The following SLC13A1 variants were observed in gnomAD, a reference collection of about 807,000 sequenced individuals.
The protein encoded by SLC13A1 is Na(+)/sulfate cotransporter.
SLC13A1 carries 65 observed loss-of-function variants against 70.0 expected under a neutral mutation model. The ratio of observed to expected loss-of-function variants is 0.93; its 90% CI spans 0.76 to 1.14. The LOEUF is 1.14. SLC13A1 is among the 50% of genes most tolerant of loss of function. The pLI, the probability that SLC13A1 is intolerant of heterozygous loss-of-function variation, is 0.00. For missense variants in SLC13A1, 726 were observed against 717.8 expected (o/e 1.01, Z -0.13); for synonymous variants, 275 against 250.5 (o/e 1.10, Z -0.92).
At chr7:123,193,279 A>C (rs1205439073) in intron 1 of SLC13A1, among the ~76,000 whole-genome samples, 1 of 151,400 alleles carries the variant, frequency 6.6e-6, no homozygotes, top group Non-Finnish European at 1.5e-5. Context: ...AACATTTGGA[A>C]CTTTTTAAAA....
chr7:123,141,077 T>G (rs1463896708), intron 7 of SLC13A1, among the ~76,000 whole-genome samples: 1 of 152,070 alleles, frequency 6.6e-6, no homozygotes, highest in African/African-American at 2.4e-5. Context: ...TACTGTTTTT[T>G]GCTGTATTCC....
rs150839928 is a variant in SLC13A1 at position 123,152,334 on chromosome 7, T to A, written c.661-5024A>T. Among the ~76,000 whole-genome samples, 48 of 152,264 alleles carry A rather than the reference T, an allele frequency of 3.2e-4. 1 individual carries two copies. The highest frequency in any genetic ancestry group is 1.1e-3 in the African/African-American group (45 of 41,558). On this transcript the variant is annotated intron_variant, in intron 6 of 14. Transcript: ENST00000194130. Reference sequence around the variant, plus strand: ...TGGGGAAGCAGATATATCTTTGACATACTGATTTCATTTTGGGGGTACATA... The same window carrying A: ...TGGGGAAGCAGATATATCTTTGACAAACTGATTTCATTTTGGGGGTACATA...
Position 123,172,128 on chromosome 7 carries a change from G to C in SLC13A1, c.229-224C>G, listed in dbSNP as rs1363369645. The stretch of plus-strand genomic sequence containing the variant: ...GTATACCGAAAAAAGAGTACTCAGG[G>C]TTATTAAATAGCTGAGTAACATCAG... On this transcript the variant is annotated intron_variant, in intron 2 of 14. Transcript: ENST00000194130. Among the ~76,000 whole-genome samples, 8 of 152,200 alleles carry C rather than the reference G, an allele frequency of 5.3e-5. 2 individuals carry two copies. The highest frequency in any genetic ancestry group is 5.2e-4 in the Admixed American group (8 of 15,286).
intron 6 of SLC13A1, among the ~76,000 whole-genome samples, chr7:123,152,767 T>C (rs1408346703): frequency 1.3e-5 from 2 of 152,126 alleles, no homozygotes; most frequent in Non-Finnish European, 1.5e-5. Flanking sequence ...CTTTCCCTTA[T>C]ATTTTATACA....
chr7:123,185,951 T>C (rs1795783465), intron 1 of SLC13A1, among the ~76,000 whole-genome samples: 2 of 152,092 alleles, frequency 1.3e-5, no homozygotes, highest in Non-Finnish European at 2.9e-5. Context: ...GATGGGTTCA[T>C]CCCAGGAATG....
chr7:123,152,483 G>C (rs1271337277), intron 6 of SLC13A1, among the ~76,000 whole-genome samples: 3 of 151,740 alleles, frequency 2.0e-5, no homozygotes, highest in Non-Finnish European at 4.4e-5. Context: ...ATTGTACAAG[G>C]GTTCTCCCTT....
intron 6 of SLC13A1, among the ~76,000 whole-genome samples, chr7:123,163,775 G>A (rs925731229): frequency 6.6e-5 from 10 of 151,886 alleles, no homozygotes; most frequent in South Asian, 4.1e-4. Context: ...TAATGGTTCT[G>A]TTGTCCATAG....
chr7:123,171,972 A>T, intron 2 of SLC13A1, 68 bp from the exon 3 acceptor site: 2 of 1,419,388 alleles, frequency 1.4e-6, no homozygotes, highest in Non-Finnish European at 2.0e-6. Flanking sequence ...CAAGAAAGAC[A>T]TTATTATGCT....
At chr7:123,176,102 C>G (rs1421474544) in intron 2 of SLC13A1, among the ~76,000 whole-genome samples, 1 of 152,222 alleles carries the variant, frequency 6.6e-6, no homozygotes, top group Admixed American at 6.5e-5. Flanking sequence ...CTGATTTGGC[C>G]TTCAGGCCCA....
intron 8 of SLC13A1, among the ~76,000 whole-genome samples, chr7:123,130,118 A>C (rs1161868986): frequency 6.6e-6 from 1 of 152,164 alleles, no homozygotes; most frequent in African/African-American, 2.4e-5. Flanking sequence ...ACACTAGTGC[A>C]GGGACTGATC....
At chr7:123,128,148 A>G (rs1793627898) in intron 10 of SLC13A1, among the ~76,000 whole-genome samples, 1 of 152,070 alleles carries the variant, frequency 6.6e-6, no homozygotes, top group South Asian at 2.1e-4. Context: ...TTCTTCAGAA[A>G]TTCCTTATCT....
At chr7:123,196,681 A>C (rs962536958) in intron 1 of SLC13A1, among the ~76,000 whole-genome samples, 1 of 152,096 alleles carries the variant, frequency 6.6e-6, no homozygotes, top group Admixed American at 6.6e-5. Flanking sequence ...AATCACTGCA[A>C]CTTTCTACCT....
At chr7:123,136,301 C>T (rs1793946213) in intron 7 of SLC13A1, among the ~76,000 whole-genome samples, 1 of 152,132 alleles carries the variant, frequency 6.6e-6, no homozygotes, top group Non-Finnish European at 1.5e-5. Context: ...AGTTAAACTT[C>T]ATTGTTATGT....
intron 12 of SLC13A1, among the ~76,000 whole-genome samples, chr7:123,121,517 T>C (rs181507643): frequency 1.6e-4 from 25 of 152,268 alleles, no homozygotes; most frequent in Non-Finnish European, 2.5e-4. Context: ...TCTTTATGGA[T>C]TGACATGTTT....
chr7:123,199,581 T>A (rs984445519), intron 1 of SLC13A1, among the ~76,000 whole-genome samples: 1 of 152,094 alleles, frequency 6.6e-6, no homozygotes, highest in Admixed American at 6.6e-5. Flanking sequence ...GCTTCTTTTG[T>A]TCTTCCTCTC....
At chr7:123,166,146 A>T (rs1449373341) in intron 6 of SLC13A1, among the ~76,000 whole-genome samples, 1 of 152,036 alleles carries the variant, frequency 6.6e-6, no homozygotes, top group Non-Finnish European at 1.5e-5. Context: ...TATTTTTATA[A>T]GTCCGTCTTG....
intron 8 of SLC13A1, among the ~76,000 whole-genome samples, chr7:123,129,954 A>G (rs1370984094): frequency 6.6e-6 from 1 of 152,184 alleles, no homozygotes; most frequent in East Asian, 1.9e-4. Context: ...GTGGTCATAG[A>G]TGTTTCCTTT....
intron 1 of SLC13A1, among the ~76,000 whole-genome samples, chr7:123,195,275 A>C (rs1796142810): frequency 6.6e-6 from 1 of 152,068 alleles, no homozygotes; most frequent in African/African-American, 2.4e-5. Flanking sequence ...TGTCCAAAAT[A>C]TTCACTTACT....
At position 123,114,902 on chromosome 7, in the gene SLC13A1, C is replaced by A. The variant is rs1585274719; in HGVS notation, c.*616G>T. ...CTTTTCTGTTATTTAGTATATTCAGCCATAATTTTGGAATTAGTGCTTCAA... is the reference window on the plus strand; with the variant it reads ...CTTTTCTGTTATTTAGTATATTCAGACATAATTTTGGAATTAGTGCTTCAA... On this transcript the variant is annotated 3_prime_UTR_variant, in exon 15 of 15. Coordinates refer to ENST00000194130, the MANE Select transcript of SLC13A1 (RefSeq NM_022444.4). 1.3e-5 allele frequency: 2 copies of A among 152,034 alleles called. No homozygotes were observed. The highest frequency in any genetic ancestry group is 3.4e-3 in the Middle Eastern group (1 of 294). 9.4% of individuals were successfully genotyped at this position (152,034 alleles called of 1,614,324 possible). A position where few individuals can be genotyped will look rare whatever the true frequency, so the allele number is the denominator to read the frequency against.
Sources: gnomAD v4.1 joint callset for allele counts (sites outside exome capture counted in the v4.1 genomes callset) on GRCh38, gnomAD v4.1.1 for gene constraint, MANE v1.5 for transcripts, NCBI Gene and HGNC (gene_info 2026-07-23, HGNC 2026-07-21) for gene names.